The following VAC14 variants were observed in gnomAD, a reference collection of about 807,000 sequenced individuals.
VAC14 encodes the protein protein VAC14 homolog.
Under a neutral mutation model 85.3 loss-of-function variants are expected in VAC14, and 47 were observed. That is an observed-to-expected ratio of 0.55 (90% CI 0.44 to 0.70). VAC14 has a LOEUF of 0.70. Among genes scored for constraint, VAC14 ranks in the 30% least tolerant of loss-of-function variants. The pLI, the probability that VAC14 is intolerant of heterozygous loss-of-function variation, is 0.00. For missense variants in VAC14, 861 were observed against 1,004.3 expected (o/e 0.86, Z 1.93); for synonymous variants, 447 against 430.5 (o/e 1.04, Z -0.47).
intron 10 of VAC14, among the ~76,000 whole-genome samples, chr16:70,767,000 G>A (rs1008669691): frequency 2.0e-5 from 3 of 152,204 alleles, no homozygotes; most frequent in African/African-American, 7.2e-5. Flanking sequence ...AACAGAGGGA[G>A]CTCACTCAGT....
In VAC14 at chr16:70,748,267, G is replaced by A. The variant is rs577299226; in HGVS notation, c.1372-3688C>T. ...AGACAGCTGCTGAGCAGCTGCTGTG[G>A]GCTAGTCCTGTGCTGGGTATAAGAG... is the stretch of plus-strand genomic sequence containing the variant. On this transcript the variant is annotated intron_variant, in intron 12 of 18. Transcript: ENST00000261776. 2.6e-5 allele frequency among the ~76,000 whole-genome samples: 4 copies of A among 152,310 alleles called. No homozygotes were observed. The South Asian group carries it at 6.2e-4, about 24-fold the overall frequency.
intron 18 of VAC14, chr16:70,689,078 G>C: frequency 1.0e-6 from 1 of 985,546 alleles, no homozygotes; most frequent in Non-Finnish European, 1.2e-6. Flanking sequence ...CGGGAAGGGG[G>C]GTGCAGGCAC....
rs757283927 is a variant in VAC14 at position 70,783,524 on chromosome 16, T to G, written c.625A>C (p.Asn209His). 5.0e-6 allele frequency: 8 copies of G among 1,613,846 alleles called. No homozygotes were observed. Among genetic ancestry groups the G allele is most frequent in the Non-Finnish European group, 6.8e-6 (8 of 1,180,024 alleles). Residue 209 changes from asparagine to histidine, a missense_variant, in exon 6 of 19, where the codon AAC (asparagine) becomes CAC (histidine). By Grantham distance (68) the Asn-to-His change is moderately conservative (BLOSUM62 1). Coordinates refer to ENST00000261776, the MANE Select transcript of VAC14 (RefSeq NM_018052.5). ...ILVLESVPDI[N>H]LLDYLPEILD... ...ATCTCCGGCAGGTAATCCAGCAGGT[T>G]AATGTCTGGCACCGACTCCAGAACC...
intron 18 of VAC14, chr16:70,688,845 T>C: frequency 1.0e-6 from 1 of 985,640 alleles, no homozygotes; most frequent in Non-Finnish European, 1.2e-6. Flanking sequence ...GCTCCTGTCC[T>C]GTTCCTACTC....
intron 14 of VAC14, among the ~76,000 whole-genome samples, chr16:70,709,638 A>T (rs2053988164): frequency 6.6e-6 from 1 of 152,106 alleles, no homozygotes; most frequent in South Asian, 2.1e-4. Context: ...TGTAGCCTGG[A>T]CCCAAACTCT....
At chr16:70,726,872 T>C (rs1231959692) in intron 14 of VAC14, among the ~76,000 whole-genome samples, 2 of 152,232 alleles carry the variant, frequency 1.3e-5, no homozygotes, top group South Asian at 4.1e-4. Flanking sequence ...AAAAGGAGGC[T>C]GTGTGGACAC....
At chr16:70,722,639 A>G (rs532846840) in intron 14 of VAC14, among the ~76,000 whole-genome samples, 93 of 152,288 alleles carry the variant, frequency 6.1e-4, no homozygotes, top group African/African-American at 2.1e-3. Flanking sequence ...AACGATGGAC[A>G]AGACACACTC....
At chr16:70,753,011 GGTGTGTGTGTGTGT>G (rs372860764) in intron 12 of VAC14, among the ~76,000 whole-genome samples, 4 of 142,982 alleles carry the variant, frequency 2.8e-5, no homozygotes, top group South Asian at 4.5e-4. Flanking sequence ...AGGAGGAGGG[GGTGTGTGTGTGTGT>G]GTGTGTGTGT....
Position 70,784,816 on chromosome 16 carries a change from T to G in VAC14, c.446A>C (p.Asn149Thr). The change falls in exon 4 of 19, where the codon AAT becomes ACT. Residue 149 changes from asparagine (N) to threonine (T), a missense_variant. Around this residue, in one of 3 missense-constraint regions of VAC14, gnomAD observed 629 missense variants for 703.1 expected, o/e 0.89. Coordinates refer to ENST00000261776, the MANE Select transcript of VAC14 (RefSeq NM_018052.5). ...TAGGAGCTCAGATCCGCTTTTCACA[T>G]TGGGGTCTGGGTCGGCTGCCAGCTG... ...LSKLAADPDP[N>T]VKSGSELLDR... The G allele has an allele frequency of 6.2e-7, 1 of 1,613,978 alleles. No individual in the cohort carries two copies. Among genetic ancestry groups the G allele is most frequent in the Non-Finnish European group, 8.5e-7 (1 of 1,179,988 alleles).
chr16:70,793,630 T>C (rs1451948983), intron 1 of VAC14, among the ~76,000 whole-genome samples: 4 of 152,200 alleles, frequency 2.6e-5, no homozygotes, highest in African/African-American at 9.6e-5. Context: ...GATGGCCCTA[T>C]GTCCCAACCT....
At chr16:70,744,275 G>A in intron 13 of VAC14, 148 bp downstream of exon 13, 1 of 1,187,614 alleles carries the variant, frequency 8.4e-7, no homozygotes, top group Non-Finnish European at 1.2e-6. Flanking sequence ...TGAGGTGGGA[G>A]ATCGCCAGTA....
At position 70,687,759 on chromosome 16, in the gene VAC14, C is replaced by T; in HGVS notation, c.*169G>A. 1 of 693,548 alleles carries T rather than the reference C, an allele frequency of 1.4e-6. No individual in the cohort carries two copies. The highest frequency in any genetic ancestry group is 2.0e-6 in the Non-Finnish European group (1 of 488,388). 43.0% of individuals were successfully genotyped at this position (693,548 alleles called of 1,614,324 possible). A position where few individuals can be genotyped will look rare whatever the true frequency, so the allele number is the denominator to read the frequency against. On this transcript the variant is annotated 3_prime_UTR_variant, in exon 19 of 19. Transcript: ENST00000261776. ...CAGCGCTGGAGGCCTGGGGACTGGA[C>T]TCTGAGAGGAGCTTGGGCAGACACA...
chr16:70,701,332 C>G (rs1426948925), intron 14 of VAC14, among the ~76,000 whole-genome samples: 1 of 152,156 alleles, frequency 6.6e-6, no homozygotes, highest in Non-Finnish European at 1.5e-5. Context: ...GCATTTCAAA[C>G]CTTGCTGGGC....
At chr16:70,766,944 C>T (rs964819150) in intron 10 of VAC14, among the ~76,000 whole-genome samples, 2 of 152,158 alleles carry the variant, frequency 1.3e-5, no homozygotes, top group African/African-American at 4.8e-5. Flanking sequence ...TGGGCCGGAG[C>T]CTGAGAGGTA....
rs542677468 is a variant in VAC14, at chr16:70,717,305, T to C, written c.1661+14190A>G. ...GCCACAAAGCGGGTGGCCTGTCCAC[T>C]AATGGGGCAGATGGAGGAGGAAGAG... On this transcript the variant is annotated intron_variant, in intron 14 of 18. Transcript: ENST00000261776. Among the ~76,000 whole-genome samples, 24 of 152,292 alleles carry C rather than the reference T, an allele frequency of 1.6e-4. 1 individual carries two copies. The highest frequency in any genetic ancestry group is 5.8e-4 in the African/African-American group (24 of 41,570).
chr16:70,777,324 C>T (rs1362640322), intron 9 of VAC14, among the ~76,000 whole-genome samples: 1 of 152,204 alleles, frequency 6.6e-6, no homozygotes, highest in Non-Finnish European at 1.5e-5. Flanking sequence ...AAAATTTTGT[C>T]TGAAACACAC....
At chr16:70,748,597 T>C (rs1487979380) in intron 12 of VAC14, among the ~76,000 whole-genome samples, 1 of 151,368 alleles carries the variant, frequency 6.6e-6, no homozygotes. Context: ...GGGCCAGAGG[T>C]GAGGGTATGG....
At chr16:70,734,891 T>C (rs1486984401) in intron 13 of VAC14, among the ~76,000 whole-genome samples, 1 of 152,090 alleles carries the variant, frequency 6.6e-6, no homozygotes, top group Non-Finnish European at 1.5e-5. Flanking sequence ...CAAAGTCACA[T>C]AGCTGGCGAG....
intron 6 of VAC14, 60 bp downstream of exon 6, chr16:70,783,385 C>T (rs1336961755): frequency 1.3e-6 from 2 of 1,547,360 alleles, no homozygotes; most frequent in Non-Finnish European, 1.8e-6. Context: ...GGGCATGAAG[C>T]ACATGGGCAC....
Sources: allele counts gnomAD v4.1 joint callset (sites outside exome capture counted in the v4.1 genomes callset), GRCh38; gene constraint gnomAD v4.1.1; regional missense constraint gnomAD v4.1.1; transcripts MANE v1.5; gene names NCBI Gene and HGNC (gene_info 2026-07-23, HGNC 2026-07-21).